Variants in DPP6 observed in about 807,000 individuals in gnomAD.
The protein encoded by DPP6 is dipeptidyl peptidase like 6.
A neutral mutation model predicts 122.6 loss-of-function variants in DPP6; 69 were observed. That is an observed-to-expected ratio of 0.56 (90% CI 0.46 to 0.69). DPP6 has a LOEUF of 0.69. DPP6 is among the 30% of genes least tolerant of loss of function. DPP6 has a pLI of 0.00. For missense variants in DPP6, 928 were observed against 1,116.9 expected, an observed-to-expected ratio of 0.83 and a Z score of 2.41; for synonymous variants, 418 against 433.1, an observed-to-expected ratio of 0.97 and a Z score of 0.43.
chr7:154,259,902 G>T (rs1447345588), intron 1 of DPP6, among the ~76,000 whole-genome samples: 1 of 152,210 alleles, frequency 6.6e-6, no homozygotes, highest in African/African-American at 2.4e-5. Flanking sequence ...CGTGGCTGCT[G>T]GTTAAGGAGA....
chr7:153,791,772 C>T, the DPP6 span, among the ~76,000 whole-genome samples: 17 of 152,282 alleles, frequency 1.1e-4, no homozygotes, highest in South Asian at 3.5e-3. Flanking sequence ...TAAGAGCAGA[C>T]AGAAGCCTAC....
At chr7:153,957,611 C>T (rs1802520224) in intron 1 of DPP6, among the ~76,000 whole-genome samples, 1 of 152,182 alleles carries the variant, frequency 6.6e-6, no homozygotes, top group Non-Finnish European at 1.5e-5. Context: ...CTTTATTTTA[C>T]ATCGCTAGTT....
intron 1 of DPP6, among the ~76,000 whole-genome samples, chr7:153,939,177 C>T (rs542329733): frequency 1.1e-3 from 173 of 152,214 alleles, no homozygotes; most frequent in Middle Eastern, 3.4e-3. Context: ...ATTACCTTAG[C>T]GATAGTACTG....
the DPP6 span, among the ~76,000 whole-genome samples, chr7:153,837,218 T>C: frequency 0.071 from 10,809 of 152,276 alleles, 606 homozygotes; most frequent in East Asian, 0.24. Context: ...ATTTGTCCAT[T>C]ACAATGGGAT....
chr7:154,748,587 G>GGA (rs1843150448), intron 8 of DPP6, among the ~76,000 whole-genome samples: 1 of 152,236 alleles, frequency 6.6e-6, no homozygotes. Flanking sequence ...TGCGGGGCGG[G>GGA]GAGGGAGACC....
At chr7:153,758,823 T>G in the DPP6 span, among the ~76,000 whole-genome samples, 4 of 151,966 alleles carry the variant, frequency 2.6e-5, no homozygotes, top group Non-Finnish European at 4.4e-5. Context: ...CAAAAAAGCT[T>G]TTATAAACAT....
At chr7:154,654,848 C>T (rs1563065626) in intron 6 of DPP6, among the ~76,000 whole-genome samples, 1 of 151,984 alleles carries the variant, frequency 6.6e-6, no homozygotes, top group South Asian at 2.1e-4. Context: ...GATTCCTGCC[C>T]TCAAAAATTT....
intron 1 of DPP6, among the ~76,000 whole-genome samples, chr7:154,070,963 C>G (rs773281830): frequency 1.1e-4 from 17 of 152,130 alleles, no homozygotes; most frequent in Non-Finnish European, 2.4e-4. Flanking sequence ...AGCAGGAACG[C>G]TTGAATATAA....
chr7:154,109,334 A>G (rs1806398206), intron 1 of DPP6, among the ~76,000 whole-genome samples: 1 of 151,780 alleles, frequency 6.6e-6, no homozygotes, highest in Non-Finnish European at 1.5e-5. Flanking sequence ...TCTGTTGCCC[A>G]GGCTGGACTG....
At chr7:154,764,627 A>G (rs1795789097) in intron 8 of DPP6, among the ~76,000 whole-genome samples, 1 of 152,184 alleles carries the variant, frequency 6.6e-6, no homozygotes, top group Non-Finnish European at 1.5e-5. Context: ...ACCTTCCACA[A>G]GAGGCTTCTC....
intron 6 of DPP6, among the ~76,000 whole-genome samples, chr7:154,650,114 G>A (rs1836775498): frequency 6.6e-6 from 1 of 152,152 alleles, no homozygotes; most frequent in South Asian, 2.1e-4. Flanking sequence ...GAGCCCAGGA[G>A]TTTGAGACCA....
chr7:153,772,977 A>G, the DPP6 span, among the ~76,000 whole-genome samples: 1 of 96,538 alleles, frequency 1.0e-5, no homozygotes, highest in African/African-American at 3.8e-5. Flanking sequence ...GAAAAGACTT[A>G]TATATTATAT....
chr7:154,718,883 A>G (rs1586950454), intron 7 of DPP6, among the ~76,000 whole-genome samples: 1 of 151,510 alleles, frequency 6.6e-6, no homozygotes, highest in Non-Finnish European at 1.5e-5. Context: ...CAGGTGATCC[A>G]CCCGCCTCGG....
intron 1 of DPP6, among the ~76,000 whole-genome samples, chr7:154,297,729 T>C (rs771414647): frequency 1.3e-5 from 2 of 152,194 alleles, no homozygotes; most frequent in Admixed American, 6.5e-5. Flanking sequence ...GCTCCTCTTC[T>C]CACAAAAGCC....
intron 2 of DPP6, among the ~76,000 whole-genome samples, chr7:154,472,130 T>TAC (rs1822329815): frequency 6.6e-6 from 1 of 152,230 alleles, no homozygotes; most frequent in Non-Finnish European, 1.5e-5. Context: ...TTGTATGAGA[T>TAC]AATTACTGGT....
intron 1 of DPP6, among the ~76,000 whole-genome samples, chr7:154,042,778 C>T (rs1379023071): frequency 1.3e-5 from 2 of 152,188 alleles, no homozygotes; most frequent in African/African-American, 4.8e-5. Context: ...AGACCAACGA[C>T]TTCAATGGGA....
At chr7:154,650,724 C>G (rs1836825004) in intron 6 of DPP6, among the ~76,000 whole-genome samples, 1 of 152,074 alleles carries the variant, frequency 6.6e-6, no homozygotes. Context: ...GCCACTGTGG[C>G]CACAGCACTC....
intron 1 of DPP6, among the ~76,000 whole-genome samples, chr7:154,239,750 A>G (rs1002512121): frequency 6.6e-6 from 1 of 151,264 alleles, no homozygotes; most frequent in African/African-American, 2.4e-5. Flanking sequence ...AGGCAGGTGG[A>G]TCACTTGAAG....
intron 1 of DPP6, among the ~76,000 whole-genome samples, chr7:154,242,692 G>C (rs1801701771): frequency 6.6e-6 from 1 of 152,220 alleles, no homozygotes; most frequent in Non-Finnish European, 1.5e-5. Context: ...ACTGACCTGA[G>C]GAGGAGATTG....
Sources: allele counts gnomAD v4.1 joint callset (sites outside exome capture counted in the v4.1 genomes callset), GRCh38; gene constraint gnomAD v4.1.1; transcripts MANE v1.5; gene names NCBI Gene and HGNC (gene_info 2026-07-23, HGNC 2026-07-21).